PKD1L3: variants seen among roughly 807,000 people sequenced by gnomAD.
The protein encoded by PKD1L3 is polycystin-1-like protein 3.
A neutral mutation model predicts 184.1 loss-of-function variants in PKD1L3; 239 were observed. That is an observed-to-expected ratio of 1.30 (90% confidence interval 1.17 to 1.45). PKD1L3 has a LOEUF of 1.45. Ranked by LOEUF, PKD1L3 falls within the 40% of genes most tolerant of loss-of-function variation. PKD1L3 has a pLI of 0.00. For missense variants in PKD1L3, 2,660 were observed against 2,067.2 expected, an observed-to-expected ratio of 1.29 and a Z score of -5.56; for synonymous variants, 996 against 778.8, an observed-to-expected ratio of 1.28 and a Z score of -4.64.
intron 1 of PKD1L3, among the ~76,000 whole-genome samples, chr16:71,999,195 C>T (rs1172399303): frequency 1.0e-4 from 15 of 149,442 alleles, no homozygotes; most frequent in African/African-American, 2.9e-4. Flanking sequence ...GGCGTGAACC[C>T]GGGAGGCGGA....
At position 71,995,913 on chromosome 16, in the gene PKD1L3, G is replaced by C. The variant is rs115873660; in HGVS notation, c.418+2359C>G. On this transcript the variant is annotated intron_variant, in intron 2 of 29. Coordinates refer to ENST00000620267, the MANE Select transcript of PKD1L3 (RefSeq NM_181536.2). The stretch of plus-strand genomic sequence containing the variant: ...TATGGCCTTGCCAACGGAAAGTGTT[G>C]TTAAGTTTGTGGATTTATGCCAATC... 6.1e-3 allele frequency among the ~76,000 whole-genome samples: 922 copies of C among 152,290 alleles called. 9 individuals carry two copies. The highest frequency in any genetic ancestry group is 0.02 in the African/African-American group (851 of 41,558).
intron 11 of PKD1L3, among the ~76,000 whole-genome samples, chr16:71,976,082 G>T (rs1219040732): frequency 3.3e-5 from 5 of 151,700 alleles, no homozygotes; most frequent in Non-Finnish European, 7.4e-5. Context: ...CGAGTAGCTG[G>T]GATTACATGT....
chr16:71,955,024 T>C (rs984251689), intron 16 of PKD1L3, among the ~76,000 whole-genome samples: 28 of 151,438 alleles, frequency 1.8e-4, no homozygotes, highest in African/African-American at 6.6e-4. Flanking sequence ...GGGCTACACA[T>C]TTATAGTAAG....
intron 13 of PKD1L3, among the ~76,000 whole-genome samples, 191 bp from the exon 14 acceptor site, chr16:71,968,198 C>A (rs190391713): frequency 6.6e-6 from 1 of 152,152 alleles, no homozygotes; most frequent in African/African-American, 2.4e-5. Flanking sequence ...GAGGCCTGAA[C>A]CTCCAGGGCC....
At position 71,942,384 on chromosome 16, in the gene PKD1L3, G is replaced by A. The variant is rs142487823; in HGVS notation, c.4324+176C>T. Among the ~76,000 whole-genome samples, 439 of 151,966 alleles carry A rather than the reference G, an allele frequency of 2.9e-3. 3 individuals carry two copies. The highest frequency in any genetic ancestry group is 0.01 in the African/African-American group (416 of 41,516). On this transcript the variant is annotated intron_variant, in intron 24 of 29. Transcript: ENST00000620267. ...AAAGAAATTATATACAGATAAATTA[G>A]AATCTAATGTGATGGGAGAATAAAA... is the stretch of plus-strand genomic sequence containing the variant.
intron 9 of PKD1L3, among the ~76,000 whole-genome samples, chr16:71,978,893 A>G (rs991768144): frequency 2.6e-5 from 4 of 152,186 alleles, no homozygotes; most frequent in South Asian, 4.1e-4. Flanking sequence ...CGCAAATGAA[A>G]TAACATTCCC....
intron 4 of PKD1L3, among the ~76,000 whole-genome samples, chr16:71,989,488 G>C (rs1257885848): frequency 6.6e-6 from 1 of 152,180 alleles, no homozygotes; most frequent in Admixed American, 6.5e-5. Flanking sequence ...ACTTATTTTT[G>C]CAGCGAGCAT....
At position 71,967,190 on chromosome 16, in the gene PKD1L3, C is replaced by T. The variant is rs949620605; in HGVS notation, c.2412G>A (p.Gly804=). ...GCCAGAGCCGAAGGCTGTGCAGGTT[C>T]CCTAGAGAGGTCCAAGTGGTGAGAA... ...VFLLTTWTSL[G]NLHSLRLWHD... is the part of the protein sequence containing the mutation. Residue 804 remains glycine, a synonymous_variant, in exon 15 of 30, where the codon GGG becomes GGA. Transcript: ENST00000620267. The T allele has an allele frequency of 5.2e-6, 8 of 1,551,574 alleles. No homozygotes were observed. Among genetic ancestry groups the T allele is most frequent in the African/African-American group, 1.4e-5 (1 of 73,048 alleles).
At position 71,965,541 on chromosome 16, in the gene PKD1L3, T is replaced by C. The variant is rs2039469067; in HGVS notation, c.2465+1596A>G. ...AGTTGCTCCCCATCCTCCCCTAAAC[T>C]TGGTTTTGTGAGAATTTTTTTTTTT... On this transcript the variant is annotated intron_variant, in intron 15 of 29. Coordinates refer to ENST00000620267, the MANE Select transcript of PKD1L3 (RefSeq NM_181536.2). Among the ~76,000 whole-genome samples the C allele has an allele frequency of 2.0e-5, 3 of 150,794 alleles. No homozygotes were observed. In the South Asian group the frequency reaches 6.4e-4, roughly 32 times the overall value.
At chr16:71,996,118 A>T (rs933466409) in intron 2 of PKD1L3, among the ~76,000 whole-genome samples, 24 of 152,156 alleles carry the variant, frequency 1.6e-4, no homozygotes, top group African/African-American at 5.8e-4. Flanking sequence ...GAGAAAATGC[A>T]GAGAGATGCC....
At chr16:71,970,183 A>G (rs2039659211) in intron 12 of PKD1L3, 78 bp from the exon 13 acceptor site, 1 of 1,119,242 alleles carries the variant, frequency 8.9e-7, no homozygotes, top group East Asian at 2.6e-5. Context: ...AACACCAGCA[A>G]TTTAGAGATG....
Position 71,991,316 on chromosome 16 carries a change from C to T in PKD1L3, c.536-987G>A, listed in dbSNP as rs1208517039. On this transcript the variant is annotated intron_variant, in intron 3 of 29. Transcript: ENST00000620267. Reference sequence around the variant, plus strand: ...CTTGTGAGAAGACATGGCAAGAAACCGAGTCAACCACACCCACCATGATGA... The same window carrying T: ...CTTGTGAGAAGACATGGCAAGAAACTGAGTCAACCACACCCACCATGATGA... 5.4e-5 allele frequency: 12 copies of T among 224,188 alleles called. No homozygotes were observed. The South Asian group carries it at 6.0e-4, about 11-fold the overall frequency. 13.9% of individuals were successfully genotyped at this position (224,188 alleles called of 1,614,324 possible). A position where few individuals can be genotyped will look rare whatever the true frequency, so the allele number is the denominator to read the frequency against.
chr16:71,933,413 T>C lies in PKD1L3; in HGVS notation c.4926+7A>G, dbSNP rs1248087670. The C allele has an allele frequency of 6.5e-7, 1 of 1,530,850 alleles. No individual in the cohort carries two copies. The highest frequency in any genetic ancestry group is 1.4e-5 in the African/African-American group (1 of 72,532). The allele number at this position is 1,530,850 out of a possible 1,614,324, so 94.8% of individuals were successfully genotyped here. A position where few individuals can be genotyped will look rare whatever the true frequency, so the allele number is the denominator to read the frequency against. ...AATTCTGTGAGGAAACAAATTATTA[T>C]TTTTACCTCCTCTTGGTGAGAAATT... On this transcript the variant is annotated splice_region_variant and intron_variant, in intron 28 of 29. Coordinates refer to ENST00000620267, the MANE Select transcript of PKD1L3 (RefSeq NM_181536.2).
chr16:71,972,890 G>A (rs2039772012), intron 12 of PKD1L3, among the ~76,000 whole-genome samples: 1 of 152,156 alleles, frequency 6.6e-6, no homozygotes. Flanking sequence ...CCAGGAACAA[G>A]GTGATAATTA....
chr16:71,948,334 C>T (rs373551567), intron 21 of PKD1L3, among the ~76,000 whole-genome samples: 3 of 152,256 alleles, frequency 2.0e-5, no homozygotes, highest in East Asian at 1.9e-4. Context: ...CCGCCTGCCT[C>T]GGCCTCCCAA....
Position 71,974,213 on chromosome 16 carries a change from C to T in PKD1L3, c.1760-696G>A, listed in dbSNP as rs969913835. ...AAGCCCAGGACTGCACGCTAGGGAC[C>T]GGAGGTCGGGCCTGGCTCTGTCACC... On this transcript the variant is annotated intron_variant, in intron 11 of 29. Transcript: ENST00000620267. Among the ~76,000 whole-genome samples, 30 of 152,218 alleles carry T rather than the reference C, an allele frequency of 2.0e-4. 1 individual carries two copies. In the East Asian group the frequency reaches 3.3e-3, roughly 17 times the overall value.
intron 23 of PKD1L3, among the ~76,000 whole-genome samples, chr16:71,943,656 T>A (rs975978576): frequency 6.6e-6 from 1 of 151,998 alleles, no homozygotes. Context: ...GAAGTCATGA[T>A]AAAAGCAGAA....
intron 19 of PKD1L3, among the ~76,000 whole-genome samples, chr16:71,951,122 C>G (rs528916267): frequency 5.7e-4 from 86 of 152,082 alleles, no homozygotes; most frequent in Admixed American, 3.3e-3. Context: ...TCACTGCAAC[C>G]TCTGCCTCCT....
At position 71,986,352 on chromosome 16, in the gene PKD1L3, G is replaced by A. The variant is rs1336143212; in HGVS notation, c.703C>T (p.Leu235Phe). ...TGCGTGACAGACACGGGCATGGTGA[G>A]CTGTGTTATCACAGGGAGAGGCTGG... The part of the protein sequence containing the change: ...SSQPLPVITQ[L>F]TMPVSVTHAG... Residue 235 changes from leucine (L) to phenylalanine (F), a missense_variant, in exon 5 of 30, where the codon CTC becomes TTC. Transcript: ENST00000620267. The A allele has an allele frequency of 6.4e-7, 1 of 1,551,366 alleles. No homozygotes were observed. The highest frequency in any genetic ancestry group is 2.0e-5 in the Admixed American group (1 of 50,978).
Sources: gnomAD v4.1 joint callset for allele counts (sites outside exome capture counted in the v4.1 genomes callset) on GRCh38, gnomAD v4.1.1 for gene constraint, MANE v1.5 for transcripts, NCBI Gene and HGNC (gene_info 2026-07-23, HGNC 2026-07-21) for gene names.